The following CNTNAP5 variants were observed in gnomAD, a reference collection of about 807,000 sequenced individuals.
CNTNAP5 encodes the protein contactin-associated protein-like 5.
In CNTNAP5, 72 loss-of-function variants were observed where a neutral mutation model predicts 150.2. The observed-to-expected ratio is 0.48, with a 90% CI of 0.40 to 0.58. CNTNAP5 has a LOEUF of 0.58. CNTNAP5 is among the 20% of genes least tolerant of loss of function. The pLI, the probability that CNTNAP5 is intolerant of heterozygous loss-of-function variation, is 0.00. For missense variants in CNTNAP5, 1,636 were observed against 1,626.2 expected, an observed-to-expected ratio of 1.01 and a Z score of -0.10; for synonymous variants, 672 against 619.8, an observed-to-expected ratio of 1.08 and a Z score of -1.25.
intron 1 of CNTNAP5, among the ~76,000 whole-genome samples, chr2:124,146,681 A>G (rs1237872854): frequency 2.6e-5 from 4 of 152,244 alleles, no homozygotes; most frequent in Non-Finnish European, 4.4e-5. Flanking sequence ...AATAAAGAGT[A>G]GATAAGAAAT....
chr2:124,495,525 G>A (rs1360746985), intron 7 of CNTNAP5, among the ~76,000 whole-genome samples: 2 of 152,212 alleles, frequency 1.3e-5, no homozygotes, highest in Non-Finnish European at 2.9e-5. Context: ...TGAGAGGCCA[G>A]AGGAGAGGTC....
chr2:124,835,314 C>A (rs1023024780), intron 19 of CNTNAP5, among the ~76,000 whole-genome samples: 1 of 152,134 alleles, frequency 6.6e-6, no homozygotes, highest in African/African-American at 2.4e-5. Context: ...TTGCTTACTG[C>A]TCAGTCCTTT....
chr2:124,387,702 G>A (rs1471710082), intron 3 of CNTNAP5, among the ~76,000 whole-genome samples: 1 of 152,128 alleles, frequency 6.6e-6, no homozygotes, highest in African/African-American at 2.4e-5. Flanking sequence ...ATGGTGGAAT[G>A]TCATCAGTTA....
At chr2:124,562,008 A>C (rs1416980852) in intron 10 of CNTNAP5, among the ~76,000 whole-genome samples, 2 of 152,130 alleles carry the variant, frequency 1.3e-5, no homozygotes, top group African/African-American at 4.8e-5. Flanking sequence ...TTTACTCTTA[A>C]TTTCATTCAC....
intron 3 of CNTNAP5, among the ~76,000 whole-genome samples, chr2:124,334,615 G>A (rs1689426099): frequency 6.6e-6 from 1 of 152,110 alleles, no homozygotes; most frequent in Non-Finnish European, 1.5e-5. Context: ...AACTGAATTG[G>A]GGAAGGAAAA....
At chr2:124,314,390 G>T (rs1401338246) in intron 3 of CNTNAP5, among the ~76,000 whole-genome samples, 2 of 152,136 alleles carry the variant, frequency 1.3e-5, no homozygotes, top group African/African-American at 4.8e-5. Flanking sequence ...TTGAATCTCC[G>T]TAGTGGGCCC....
chr2:124,708,827 C>A (rs1679747887), intron 13 of CNTNAP5, among the ~76,000 whole-genome samples: 1 of 152,168 alleles, frequency 6.6e-6, no homozygotes. Context: ...CAGTTGATAA[C>A]TGTGGTGAAT....
intron 1 of CNTNAP5, among the ~76,000 whole-genome samples, chr2:124,026,466 C>T (rs1287311155): frequency 6.6e-6 from 1 of 152,158 alleles, no homozygotes; most frequent in Non-Finnish European, 1.5e-5. Context: ...ATTTAATAGG[C>T]AAGAAGCCTG....
chr2:124,698,625 T>G (rs111846588), intron 13 of CNTNAP5, among the ~76,000 whole-genome samples: 12 of 152,236 alleles, frequency 7.9e-5, no homozygotes, highest in African/African-American at 2.9e-4. Context: ...CATAGTACCC[T>G]GAACTGGGGG....
intron 3 of CNTNAP5, among the ~76,000 whole-genome samples, chr2:124,333,108 A>G (rs1689388881): frequency 6.6e-6 from 1 of 152,224 alleles, no homozygotes; most frequent in East Asian, 1.9e-4. Flanking sequence ...CACTAGTTTA[A>G]AAGGATAATT....
intron 1 of CNTNAP5, among the ~76,000 whole-genome samples, chr2:124,029,631 T>C (rs1052070457): frequency 1.3e-5 from 2 of 152,084 alleles, no homozygotes; most frequent in Non-Finnish European, 2.9e-5. Context: ...TGAATGACTA[T>C]CCTCTAAATT....
At chr2:124,108,464 C>T (rs1294382778) in intron 1 of CNTNAP5, among the ~76,000 whole-genome samples, 5 of 152,128 alleles carry the variant, frequency 3.3e-5, no homozygotes, top group African/African-American at 1.2e-4. Context: ...GACACTTCCT[C>T]CCACTTCTCA....
At position 124,391,740 on chromosome 2, in the gene CNTNAP5, G is replaced by C. The variant is rs548715477; in HGVS notation, c.382-25703G>C. Among the ~76,000 whole-genome samples the C allele has an allele frequency of 9.8e-5, 15 of 152,318 alleles. 1 individual carries two copies. The South Asian group carries it at 3.1e-3, about 32-fold the overall frequency. ...GGAGGCCGAGGCGGGCGGATCACGA[G>C]GTCAGGAGATCGAGACCATCCTGGC... On this transcript the variant is annotated intron_variant, in intron 3 of 23. Coordinates refer to ENST00000682447, the MANE Select transcript of CNTNAP5 (RefSeq NM_001367498.1).
chr2:124,076,054 A>T (rs1397565437), intron 1 of CNTNAP5, among the ~76,000 whole-genome samples: 7 of 152,176 alleles, frequency 4.6e-5, no homozygotes, highest in Admixed American at 2.0e-4. Context: ...ATTGAGTCAG[A>T]CCAAGATTAT....
chr2:124,607,261 A>G (rs1373365432), intron 11 of CNTNAP5, among the ~76,000 whole-genome samples: 1 of 152,142 alleles, frequency 6.6e-6, no homozygotes, highest in Non-Finnish European at 1.5e-5. Flanking sequence ...AAAGATGTCC[A>G]CAGGGCTGCT....
intron 13 of CNTNAP5, among the ~76,000 whole-genome samples, chr2:124,723,331 T>A (rs1680087737): frequency 2.0e-5 from 3 of 152,168 alleles, no homozygotes; most frequent in Admixed American, 2.0e-4. Context: ...AAAGATCATG[T>A]TCCTTCAATT....
intron 10 of CNTNAP5, among the ~76,000 whole-genome samples, chr2:124,553,723 A>C (rs1695685573): frequency 6.6e-6 from 1 of 152,162 alleles, no homozygotes; most frequent in African/African-American, 2.4e-5. Flanking sequence ...TGGCCAATAG[A>C]TTAAATCTAA....
intron 19 of CNTNAP5, among the ~76,000 whole-genome samples, chr2:124,841,231 T>TA (rs1221051386): frequency 1.3e-5 from 2 of 151,866 alleles, no homozygotes; most frequent in African/African-American, 4.8e-5. Flanking sequence ...ATGGGTTGGT[T>TA]AAAAAAAAGT....
At chr2:124,744,524 G>A (rs909427545) in intron 13 of CNTNAP5, among the ~76,000 whole-genome samples, 1 of 152,066 alleles carries the variant, frequency 6.6e-6, no homozygotes, top group African/African-American at 2.4e-5. Context: ...GAGCAGGAGG[G>A]CATGTTTTGT....
Sources: allele counts gnomAD v4.1 joint callset (sites outside exome capture counted in the v4.1 genomes callset), GRCh38; gene constraint gnomAD v4.1.1; transcripts MANE v1.5; gene names NCBI Gene and HGNC (gene_info 2026-07-23, HGNC 2026-07-21).